The following CDH23 variants were observed in gnomAD, a reference collection of about 807,000 sequenced individuals.
CDH23 encodes the protein cadherin-23.
In CDH23, 189 loss-of-function variants were observed where a neutral mutation model predicts 317.1. That is an observed-to-expected ratio of 0.60 (90% CI 0.53 to 0.67). CDH23 has a LOEUF of 0.67. Ranked by LOEUF, CDH23 falls within the 30% of genes least tolerant of loss-of-function variation. The pLI is 0.00. For synonymous variants in CDH23, 1,839 were observed against 1,876.8 expected (o/e 0.98, Z 0.52); for missense variants, 4,401 against 4,592.4 (o/e 0.96, Z 1.20).
intron 6 of CDH23, among the ~76,000 whole-genome samples, chr10:71,519,809 G>A (rs1327549368): frequency 6.7e-6 from 1 of 149,442 alleles, no homozygotes; most frequent in Non-Finnish European, 1.5e-5. Flanking sequence ...TTTGAGACAG[G>A]GTCTCACTCT....
At chr10:71,561,648 A>T (rs1426121291) in intron 6 of CDH23, among the ~76,000 whole-genome samples, 1 of 152,116 alleles carries the variant, frequency 6.6e-6, no homozygotes, top group African/African-American at 2.4e-5. Flanking sequence ...AGTGATATGG[A>T]GCTTAAATGG....
At chr10:71,646,318 T>C in intron 13 of CDH23, 141 bp from the exon 14 acceptor site, 1 of 1,321,258 alleles carries the variant, frequency 7.6e-7, no homozygotes, top group Non-Finnish European at 1.0e-6. Flanking sequence ...GGGCTCGCAG[T>C]AGCACAGAGC....
At chr10:71,494,020 G>A (rs1281943113) in intron 3 of CDH23, among the ~76,000 whole-genome samples, 1 of 152,150 alleles carries the variant, frequency 6.6e-6, no homozygotes, top group Admixed American at 6.5e-5. Flanking sequence ...CTAGTGAAGG[G>A]ACTCAAATTA....
At chr10:71,771,503 A>T (rs555400150) in intron 38 of CDH23, among the ~76,000 whole-genome samples, 1 of 152,360 alleles carries the variant, frequency 6.6e-6, no homozygotes, top group Admixed American at 6.5e-5. Flanking sequence ...CCATGCCTGC[A>T]ACCAGGCCTC....
At chr10:71,448,537 C>G (rs527616288) in intron 3 of CDH23, among the ~76,000 whole-genome samples, 57 of 152,332 alleles carry the variant, frequency 3.7e-4, no homozygotes, top group African/African-American at 1.4e-3. Flanking sequence ...CCTCAGCGCC[C>G]TCCCAGCCTC....
intron 29 of CDH23, among the ~76,000 whole-genome samples, chr10:71,725,168 C>T (rs756006507): frequency 3.9e-5 from 6 of 152,202 alleles, no homozygotes; most frequent in Non-Finnish European, 7.4e-5. Flanking sequence ...GCAGGTGAAA[C>T]GCATTGGGGA....
chr10:71,520,138 T>C (rs1254675752), intron 6 of CDH23, among the ~76,000 whole-genome samples: 2 of 152,170 alleles, frequency 1.3e-5, no homozygotes, highest in African/African-American at 4.8e-5. Context: ...ATGAAAAGCT[T>C]TGAGAACTTC....
rs971743543 is a variant in CDH23, at chr10:71,509,802, G to A, written c.146-280G>A. On this transcript the variant is annotated intron_variant, in intron 3 of 69. Transcript: ENST00000224721. ...TCTTCAAATTAAAATCAGAGAAAGG[G>A]GGGCAGGCAGAAGTCATAAGTGTCT... The A allele has an allele frequency of 1.6e-5, 7 of 431,968 alleles. No homozygotes were observed. The East Asian group carries it at 2.9e-4, about 18-fold the overall frequency. The allele number at this position is 431,968 out of a possible 1,614,324, so 26.8% of individuals were successfully genotyped here. A position where few individuals can be genotyped will look rare whatever the true frequency, so the allele number is the denominator to read the frequency against.
chr10:71,662,443 C>A (rs1460180311), intron 14 of CDH23, among the ~76,000 whole-genome samples: 3 of 152,152 alleles, frequency 2.0e-5, no homozygotes, highest in Non-Finnish European at 4.4e-5. Context: ...GCGTATCCCA[C>A]AGGGCAAGGG....
intron 14 of CDH23, among the ~76,000 whole-genome samples, chr10:71,670,438 A>T (rs1295371691): frequency 1.3e-5 from 2 of 152,210 alleles, no homozygotes; most frequent in Non-Finnish European, 2.9e-5. Flanking sequence ...ACACACAGAC[A>T]GTTTTCAGGA....
At chr10:71,797,295 C>T in intron 49 of CDH23, 75 bp downstream of exon 49, 1 of 1,002,208 alleles carries the variant, frequency 1.0e-6, no homozygotes, top group Middle Eastern at 2.3e-4. Flanking sequence ...GGAACAGGCA[C>T]TGGTCTGTCC....
At chr10:71,688,858 T>G in intron 19 of CDH23, among the ~76,000 whole-genome samples, 1 of 110,998 alleles carries the variant, frequency 9.0e-6, no homozygotes, top group Admixed American at 8.9e-5. Flanking sequence ...GAGTCAGGGG[T>G]GGTGGAGTCA....
chr10:71,577,879 G>A, intron 8 of CDH23, 35 bp from the exon 9 acceptor site: 1 of 1,539,204 alleles, frequency 6.5e-7, no homozygotes, highest in Non-Finnish European at 8.8e-7. Flanking sequence ...GCAGCCAGGG[G>A]ACCCAAACTC....
intron 30 of CDH23, among the ~76,000 whole-genome samples, chr10:71,726,406 C>G (rs1388474861): frequency 6.6e-6 from 1 of 152,150 alleles, no homozygotes; most frequent in South Asian, 2.1e-4. Context: ...CGGGTACTCA[C>G]GATCACAAAC....
chr10:71,452,349 G>A (rs1589328562), intron 3 of CDH23, among the ~76,000 whole-genome samples: 1 of 152,318 alleles, frequency 6.6e-6, no homozygotes, highest in East Asian at 1.9e-4. Context: ...ACCGCCCGCA[G>A]CCAGAAGCCT....
At chr10:71,693,370 CAAAG>C (rs1253609931) in intron 20 of CDH23, among the ~76,000 whole-genome samples, 5 of 151,782 alleles carry the variant, frequency 3.3e-5, no homozygotes, top group African/African-American at 9.7e-5. Context: ...CACCAAAATA[CAAAG>C]AAAGACCAAA....
At chr10:71,413,038 A>G (rs979230557) in intron 1 of CDH23, among the ~76,000 whole-genome samples, 1 of 152,176 alleles carries the variant, frequency 6.6e-6, no homozygotes, top group Admixed American at 6.5e-5. Flanking sequence ...TTGGTGTCAT[A>G]TCCAATAAAT....
intron 4 of CDH23, 25 bp from the exon 5 acceptor site, chr10:71,510,929 C>A: frequency 6.2e-7 from 1 of 1,613,794 alleles, no homozygotes; most frequent in Non-Finnish European, 8.5e-7. Flanking sequence ...TAACTGCCCC[C>A]CTCCCTCTCT....
chr10:71,655,470 G>A (rs578231586), intron 14 of CDH23, among the ~76,000 whole-genome samples: 51 of 152,194 alleles, frequency 3.4e-4, no homozygotes, highest in Middle Eastern at 6.8e-3. Context: ...TGGCAGCACC[G>A]CCTTAAAAAG....
Sources: gnomAD v4.1 joint callset for allele counts (sites outside exome capture counted in the v4.1 genomes callset) on GRCh38, gnomAD v4.1.1 for gene constraint, MANE v1.5 for transcripts, NCBI Gene and HGNC (gene_info 2026-07-23, HGNC 2026-07-21) for gene names.